SCRN1: variants seen among roughly 807,000 people sequenced by gnomAD.
SCRN1 encodes the protein secernin-1.
Under a neutral mutation model 43.3 loss-of-function variants are expected in SCRN1, and 19 were observed. The observed-to-expected ratio is 0.44, with a 90% CI of 0.31 to 0.64. SCRN1 has a LOEUF of 0.64. Ranked by LOEUF, SCRN1 falls within the 30% of genes least tolerant of loss-of-function variation. The pLI is 0.09. For missense variants in SCRN1, 447 were observed against 524.1 expected (o/e 0.85, Z 1.44); for synonymous variants, 183 against 188.9 (o/e 0.97, Z 0.26).
rs141941244 is a variant in SCRN1, at chr7:29,977,715, T to A, written c.-1-8647A>T. ...ATGGAAGAATAACTGTATGGGCTAT[T>A]AAGTGAGTAAGCAGGCTTTGAAGCC... On this transcript the variant is annotated intron_variant, in intron 1 of 7. Transcript: ENST00000242059. 2.1e-4 allele frequency among the ~76,000 whole-genome samples: 32 copies of A among 152,192 alleles called. No homozygotes were observed. The East Asian group carries it at 6.2e-3, about 29-fold the overall frequency.
intron 1 of SCRN1, among the ~76,000 whole-genome samples, chr7:29,978,754 G>A (rs952814833): frequency 5.9e-5 from 9 of 152,264 alleles, no homozygotes; most frequent in South Asian, 4.1e-4. Flanking sequence ...GCAATAAGGC[G>A]GAGACTCTGG....
At position 29,920,772 on chromosome 7, in the gene SCRN1, A is replaced by C. The variant is rs1408034844; in HGVS notation, c.*3185T>G. The C allele has an allele frequency of 6.6e-6, 1 of 152,222 alleles. No homozygotes were observed. The highest frequency in any genetic ancestry group is 1.5e-5 in the Non-Finnish European group (1 of 68,038). 9.4% of individuals were successfully genotyped at this position (152,222 alleles called of 1,614,324 possible). On this transcript the variant is annotated 3_prime_UTR_variant, in exon 8 of 8. Coordinates refer to ENST00000242059, the MANE Select transcript of SCRN1 (RefSeq NM_014766.5). ...TGGGATGACATCAGCTAGGAAGCAA[A>C]GTAATTTGCCTGGTTGATGATTATT...
At chr7:29,928,921 T>C (rs1473074549) in intron 6 of SCRN1, among the ~76,000 whole-genome samples, 1 of 152,238 alleles carries the variant, frequency 6.6e-6, no homozygotes, top group Non-Finnish European at 1.5e-5. Flanking sequence ...CAGTTGATTC[T>C]GCAAAAGGGC....
At chr7:29,989,888 C>T, upstream of SCRN1, 2 of 1,046,438 alleles carry the variant, frequency 1.9e-6, no homozygotes, top group Non-Finnish European at 2.3e-6. Flanking sequence ...ACCCCGGCCC[C>T]CGGGGCCCCG....
intron 2 of SCRN1, among the ~76,000 whole-genome samples, chr7:29,961,614 C>A (rs1416999548): frequency 6.6e-6 from 1 of 151,754 alleles, no homozygotes; most frequent in East Asian, 1.9e-4. Context: ...GGTGGCCGGG[C>A]AGAGGGGCTC....
chr7:29,932,495 AT>A (rs1787189283), intron 6 of SCRN1, among the ~76,000 whole-genome samples: 3 of 151,818 alleles, frequency 2.0e-5, no homozygotes, highest in African/African-American at 7.3e-5. Context: ...TCTACTAAAA[AT>A]AAAAAATTAG....
chr7:29,982,462 T>C (rs1789018221), intron 1 of SCRN1, among the ~76,000 whole-genome samples: 1 of 152,104 alleles, frequency 6.6e-6, no homozygotes, highest in South Asian at 2.1e-4. Flanking sequence ...GCAGGATCAG[T>C]TGGGTCCAGG....
chr7:29,967,174 A>AACACACACACAC (rs142917231), intron 2 of SCRN1, among the ~76,000 whole-genome samples: 83 of 148,370 alleles, frequency 5.6e-4, no homozygotes, highest in African/African-American at 2.0e-3. Flanking sequence ...CTACCATCTA[A>AACACACACACAC]ACACACACAC....
At position 29,924,003 on chromosome 7, in the gene SCRN1, T is replaced by A; in HGVS notation, c.1199A>T (p.Asp400Val). ...SEPLDPAEVGDLFYDCVDTEI... is the reference protein window; with the variant it reads ...SEPLDPAEVGVLFYDCVDTEI... ...CGTGTCAACACAGTCATAGAAAAGG[T>A]CCCCCACTTCCGCAGGGTCCAGTGG... is the stretch of plus-strand genomic sequence containing the variant. The change falls in exon 8 of 8, where the codon GAC (aspartate) becomes GTC (valine). Residue 400 changes from aspartate (D) to valine (V), a missense_variant. Coordinates refer to ENST00000242059, the MANE Select transcript of SCRN1 (RefSeq NM_014766.5). The A allele has an allele frequency of 3.1e-6, 5 of 1,614,016 alleles. No homozygotes were observed. Among genetic ancestry groups the A allele is most frequent in the Non-Finnish European group, 4.2e-6 (5 of 1,179,990 alleles).
chr7:29,925,755 T>A (rs1217961331), intron 7 of SCRN1, among the ~76,000 whole-genome samples: 1 of 149,886 alleles, frequency 6.7e-6, no homozygotes, highest in East Asian at 2.0e-4. Flanking sequence ...CTGCTTGTAA[T>A]CCCAGCACTT....
Position 29,922,009 on chromosome 7 carries a change from GAGT to G in SCRN1, c.*1945_*1947del, listed in dbSNP as rs1249974879. The G allele has an allele frequency of 6.6e-6, 1 of 152,108 alleles. No homozygotes were observed. The highest frequency in any genetic ancestry group is 1.5e-5 in the Non-Finnish European group (1 of 68,038). The allele number at this position is 152,108 out of a possible 1,614,324, so 9.4% of individuals were successfully genotyped here. On this transcript the variant is annotated 3_prime_UTR_variant, in exon 8 of 8. Transcript: ENST00000242059. ...CTTGGAACATGGACTTGGGAGGGGA[GAGT>G]TACCTACGTCATCCTCGAACCTCAC... is the stretch of plus-strand genomic sequence containing the variant.
At chr7:29,988,841 C>T (rs1251152850) in intron 1 of SCRN1, 1 of 152,298 alleles carries the variant, frequency 6.6e-6, no homozygotes, top group East Asian at 1.9e-4. Context: ...TTCCCAAATC[C>T]GAGTTCTCGC....
At chr7:29,951,943 C>T (rs1787942243) in intron 3 of SCRN1, among the ~76,000 whole-genome samples, 2 of 152,170 alleles carry the variant, frequency 1.3e-5, no homozygotes, top group African/African-American at 4.8e-5. Flanking sequence ...GAATAATCAA[C>T]CACAGTCTAG....
intron 2 of SCRN1, among the ~76,000 whole-genome samples, chr7:29,963,273 A>T (rs11977479): frequency 0.15 from 22,847 of 152,056 alleles, 1,777 homozygotes; most frequent in African/African-American, 0.19. Flanking sequence ...CCTGGGCCAG[A>T]ACTCATCCTC....
At chr7:29,983,239 G>A (rs952404506) in intron 1 of SCRN1, among the ~76,000 whole-genome samples, 12 of 144,698 alleles carry the variant, frequency 8.3e-5, no homozygotes, top group Non-Finnish European at 1.8e-4. Context: ...CAGTTTACTA[G>A]AGAGAGAGAT....
intron 2 of SCRN1, among the ~76,000 whole-genome samples, chr7:29,960,899 T>C (rs1245987776): frequency 1.3e-5 from 2 of 152,200 alleles, no homozygotes; most frequent in South Asian, 2.1e-4. Context: ...TTATCCATCC[T>C]ACTCTGCAAC....
At chr7:29,947,995 T>C (rs1338715227) in intron 3 of SCRN1, among the ~76,000 whole-genome samples, 1 of 152,174 alleles carries the variant, frequency 6.6e-6, no homozygotes, top group Non-Finnish European at 1.5e-5. Context: ...AAAATAAATT[T>C]GTGTAGTTTC....
intron 6 of SCRN1, among the ~76,000 whole-genome samples, chr7:29,928,730 C>A (rs7808006): frequency 6.6e-6 from 1 of 152,166 alleles, no homozygotes; most frequent in Non-Finnish European, 1.5e-5. Context: ...GGGGAGCTAC[C>A]CTTGCACAGA....
At chr7:29,944,527 G>C (rs999004647) in intron 3 of SCRN1, among the ~76,000 whole-genome samples, 1 of 151,942 alleles carries the variant, frequency 6.6e-6, no homozygotes, top group East Asian at 1.9e-4. Context: ...GCCAGGCATG[G>C]CGGGACACAC....
Sources: gnomAD v4.1 joint callset for allele counts (sites outside exome capture counted in the v4.1 genomes callset) on GRCh38, gnomAD v4.1.1 for gene constraint, MANE v1.5 for transcripts, NCBI Gene and HGNC (gene_info 2026-07-23, HGNC 2026-07-21) for gene names.